Variants in C8orf34 observed in about 807,000 individuals in gnomAD.
C8orf34 encodes chromosome 8 open reading frame 34, also known as uncharacterized protein C8orf34.
Under a neutral mutation model 68.3 loss-of-function variants are expected in C8orf34, and 65 were observed. That is an observed-to-expected ratio of 0.95 (90% confidence interval 0.78 to 1.17). The LOEUF (loss-of-function observed/expected upper bound fraction) is 1.17, where lower values mean the gene tolerates loss of function less well. Among genes scored for constraint, C8orf34 ranks in the 50% most tolerant of loss-of-function variants. The pLI, the probability that C8orf34 is intolerant of heterozygous loss-of-function variation, is 0.00. For synonymous variants in C8orf34, 244 were observed against 241.2 expected (o/e 1.01, Z -0.11); for missense variants, 664 against 655.4 (o/e 1.01, Z -0.14).
intron 10 of C8orf34, among the ~76,000 whole-genome samples, chr8:68,745,106 A>G (rs1418807208): frequency 2.0e-5 from 3 of 151,998 alleles, no homozygotes; most frequent in African/African-American, 7.3e-5. Flanking sequence ...AAGAATTTTC[A>G]ACCCAGAATT....
chr8:68,333,108 T>G (rs1398217164), intron 1 of C8orf34, among the ~76,000 whole-genome samples: 2 of 152,174 alleles, frequency 1.3e-5, no homozygotes, highest in African/African-American at 4.8e-5. Context: ...TTTGTTATCT[T>G]AAAATCCCCA....
intron 1 of C8orf34, among the ~76,000 whole-genome samples, chr8:68,369,759 A>G (rs550931348): frequency 6.6e-6 from 1 of 152,212 alleles, no homozygotes; most frequent in Non-Finnish European, 1.5e-5. Flanking sequence ...GGACTTTACT[A>G]AAAGCCCCCA....
chr8:68,787,191 C>A (rs1421709144), intron 11 of C8orf34, among the ~76,000 whole-genome samples: 7 of 151,986 alleles, frequency 4.6e-5, no homozygotes. Flanking sequence ...AATATTAATT[C>A]ATAAGGAATA....
chr8:68,732,850 G>T (rs892950759), intron 10 of C8orf34, among the ~76,000 whole-genome samples: 6 of 152,148 alleles, frequency 3.9e-5, no homozygotes, highest in Admixed American at 6.6e-5. Context: ...ATCACCTGAG[G>T]TCAGGAGTTT....
intron 7 of C8orf34, among the ~76,000 whole-genome samples, chr8:68,569,010 T>C (rs953252884): frequency 6.6e-5 from 10 of 152,192 alleles, no homozygotes; most frequent in African/African-American, 2.2e-4. Context: ...ACTTAGAAAT[T>C]TGGCTTTTGT....
intron 6 of C8orf34, among the ~76,000 whole-genome samples, chr8:68,527,727 G>T (rs1010221424): frequency 6.6e-6 from 1 of 152,178 alleles, no homozygotes; most frequent in Non-Finnish European, 1.5e-5. Context: ...TCTTCAGAAA[G>T]CTGTTCTAAG....
intron 7 of C8orf34, among the ~76,000 whole-genome samples, chr8:68,566,820 C>A (rs1434830642): frequency 6.6e-6 from 1 of 152,118 alleles, no homozygotes; most frequent in African/African-American, 2.4e-5. Context: ...TTTTTCTTTG[C>A]CAAGAGTTTT....
At chr8:68,453,328 G>A (rs1811421428) in intron 3 of C8orf34, among the ~76,000 whole-genome samples, 3 of 152,002 alleles carry the variant, frequency 2.0e-5, no homozygotes, top group Admixed American at 6.6e-5. Context: ...AGGCCATTTG[G>A]ATTTTCTTAG....
intron 1 of C8orf34, among the ~76,000 whole-genome samples, chr8:68,335,793 AT>A (rs1319443130): frequency 6.6e-6 from 1 of 152,186 alleles, no homozygotes; most frequent in African/African-American, 2.4e-5. Context: ...AAGAAATAAT[AT>A]TTTGGGCAGG....
intron 10 of C8orf34, among the ~76,000 whole-genome samples, chr8:68,749,506 A>T (rs1422638115): frequency 6.6e-6 from 1 of 152,194 alleles, no homozygotes; most frequent in East Asian, 1.9e-4. Flanking sequence ...AAACATTTTT[A>T]AATTTCTGAG....
rs76046414 is a variant in C8orf34, at chr8:68,735,470, A to G, written c.1404+14033A>G. Among the ~76,000 whole-genome samples the G allele has an allele frequency of 1.6e-4, 25 of 152,330 alleles. No individual in the cohort carries two copies. In the East Asian group the frequency reaches 4.4e-3, roughly 27 times the overall value. ...GGGCTTGATGATTTAGAGAATTATA[A>G]AAGTATTTTCTTTGCAAAGACATTT... is the stretch of plus-strand genomic sequence containing the variant. On this transcript the variant is annotated intron_variant, in intron 10 of 13. Transcript: ENST00000518698.
At chr8:68,797,303 G>A (rs184234145) in intron 12 of C8orf34, among the ~76,000 whole-genome samples, 1 of 152,250 alleles carries the variant, frequency 6.6e-6, no homozygotes, top group East Asian at 1.9e-4. Flanking sequence ...AGTTCCAAGA[G>A]ACTGTGGACC....
At chr8:68,459,117 G>A (rs1199945069) in intron 3 of C8orf34, among the ~76,000 whole-genome samples, 1 of 152,116 alleles carries the variant, frequency 6.6e-6, no homozygotes, top group Non-Finnish European at 1.5e-5. Flanking sequence ...CTATTCTTAA[G>A]CAATGTGTTT....
Position 68,525,803 on chromosome 8 carries a change from A to G in C8orf34, c.938+3832A>G, listed in dbSNP as rs1199521257. 3 of 542,666 alleles carry G rather than the reference A, an allele frequency of 5.5e-6. No individual in the cohort carries two copies. The Admixed American group carries it at 6.1e-5, about 11-fold the overall frequency. The allele number at this position is 542,666 out of a possible 1,614,324, so 33.6% of individuals were successfully genotyped here. On this transcript the variant is annotated intron_variant, in intron 6 of 13. Transcript: ENST00000518698. ...ATGCTTCATCACAGTGAGAAACAGGATGATAACTCTGGAGCATGGCTTGAT... is the reference window on the plus strand; with the variant it reads ...ATGCTTCATCACAGTGAGAAACAGGGTGATAACTCTGGAGCATGGCTTGAT...
Position 68,372,527 on chromosome 8 carries a change from A to G in C8orf34, c.327+41188A>G, listed in dbSNP as rs541396508. On this transcript the variant is annotated intron_variant, in intron 1 of 13. Transcript: ENST00000518698. ...GCCAAGGGGTTATATTAATAGGAAT[A>G]GCAAGCAATCAAGAGGGAGTAAGTC... Among the ~76,000 whole-genome samples, 8 of 152,180 alleles carry G rather than the reference A, an allele frequency of 5.3e-5. No homozygotes were observed. In the South Asian group the frequency reaches 1.4e-3, roughly 28 times the overall value.
At position 68,382,016 on chromosome 8, in the gene C8orf34, T is replaced by G. The variant is rs144251152; in HGVS notation, c.327+50677T>G. Among the ~76,000 whole-genome samples, 92 of 152,346 alleles carry G rather than the reference T, an allele frequency of 6.0e-4. 1 individual carries two copies. The highest frequency in any genetic ancestry group is 2.2e-3 in the African/African-American group (91 of 41,586). Reference sequence around the variant, plus strand: ...ATCATATACAAATAGTATTGCAACCTGAAATTTTCAATTAGAAACATAGCG... The same window carrying G: ...ATCATATACAAATAGTATTGCAACCGGAAATTTTCAATTAGAAACATAGCG... On this transcript the variant is annotated intron_variant, in intron 1 of 13. Transcript: ENST00000518698.
At chr8:68,680,254 A>T (rs1307075256) in intron 8 of C8orf34, among the ~76,000 whole-genome samples, 1 of 152,200 alleles carries the variant, frequency 6.6e-6, no homozygotes, top group Non-Finnish European at 1.5e-5. Flanking sequence ...GGGGCAAAAG[A>T]TCTGAATAGA....
At chr8:68,449,009 A>C (rs76877078) in intron 3 of C8orf34, among the ~76,000 whole-genome samples, 16,750 of 152,170 alleles carry the variant, frequency 0.11, 1,023 homozygotes, top group African/African-American at 0.14. Flanking sequence ...ACATGACACA[A>C]AAATTTATAG....
intron 8 of C8orf34, among the ~76,000 whole-genome samples, chr8:68,650,056 A>AG (rs1291410719): frequency 4.8e-5 from 3 of 61,986 alleles, no homozygotes; most frequent in Non-Finnish European, 1.2e-4. Context: ...AGTATATTTT[A>AG]GAAAAAAAAA....
Sources: gnomAD v4.1 joint callset for allele counts (sites outside exome capture counted in the v4.1 genomes callset) on GRCh38, gnomAD v4.1.1 for gene constraint, MANE v1.5 for transcripts, NCBI Gene and HGNC (gene_info 2026-07-23, HGNC 2026-07-21) for gene names.